The following UBASH3B variants were observed in gnomAD, a reference collection of about 807,000 sequenced individuals.
UBASH3B encodes the protein ubiquitin-associated and SH3 domain-containing protein B.
A neutral mutation model predicts 83.4 loss-of-function variants in UBASH3B; 37 were observed. That is an observed-to-expected ratio of 0.44 (90% CI 0.34 to 0.58). UBASH3B has a LOEUF of 0.58. Ranked by LOEUF, UBASH3B falls within the 20% of genes least tolerant of loss-of-function variation. The pLI is 0.01. For synonymous variants in UBASH3B, 304 were observed against 318.3 expected, an observed-to-expected ratio of 0.96 and a Z score of 0.48; for missense variants, 657 against 827.2, an observed-to-expected ratio of 0.79 and a Z score of 2.52.
At chr11:122,808,305 C>T (rs1205563209) in intron 13 of UBASH3B, 129 bp downstream of exon 13, 2 of 802,696 alleles carry the variant, frequency 2.5e-6, no homozygotes, top group East Asian at 2.5e-5. Context: ...TATTGCTTCA[C>T]TCAACCAAGA....
chr11:122,681,694 GCA>G (rs35104730), intron 1 of UBASH3B, among the ~76,000 whole-genome samples: 52,992 of 149,808 alleles, frequency 0.35, 9,432 homozygotes, highest in Non-Finnish European at 0.39. Context: ...GTACACACAT[GCA>G]CACACACACA....
intron 1 of UBASH3B, among the ~76,000 whole-genome samples, chr11:122,659,475 G>A (rs1300689479): frequency 6.6e-6 from 1 of 152,190 alleles, no homozygotes; most frequent in African/African-American, 2.4e-5. Flanking sequence ...CTTCAACCCA[G>A]AAAGGCTGAT....
chr11:122,798,977 C>T lies in UBASH3B; in HGVS notation c.1393C>T (p.His465Tyr), dbSNP rs753621454. The T allele has an allele frequency of 6.2e-7, 1 of 1,614,072 alleles. No homozygotes were observed. Residue 465 changes from histidine to tyrosine, a missense_variant, in exon 10 of 14, where the codon CAT (histidine) becomes TAT (tyrosine). Coordinates refer to ENST00000284273, the MANE Select transcript of UBASH3B (RefSeq NM_032873.5). Reference sequence around the variant, plus strand: ...ATTAGAGAGCAATACCATTATCGATCATGTCTATTGCTCCCCGTCCCTTCG... The same window carrying T: ...ATTAGAGAGCAATACCATTATCGATTATGTCTATTGCTCCCCGTCCCTTCG... ...ALLESNTIID[H>Y]VYCSPSLRCV...
At chr11:122,713,012 A>G (rs1864220061) in intron 1 of UBASH3B, among the ~76,000 whole-genome samples, 1 of 140,102 alleles carries the variant, frequency 7.1e-6, no homozygotes, top group Admixed American at 7.9e-5. Context: ...GGTTCACGCC[A>G]TTCTCCTGCC....
At chr11:122,688,469 G>A (rs1424514785) in intron 1 of UBASH3B, among the ~76,000 whole-genome samples, 2 of 133,996 alleles carry the variant, frequency 1.5e-5, no homozygotes, top group African/African-American at 5.6e-5. Flanking sequence ...TTTTTGAGAC[G>A]GAGTCTGGCT....
intron 1 of UBASH3B, among the ~76,000 whole-genome samples, chr11:122,701,563 A>C (rs966296486): frequency 6.6e-6 from 1 of 152,066 alleles, no homozygotes; most frequent in Non-Finnish European, 1.5e-5. Flanking sequence ...TCAAAGCTCC[A>C]TGGTGACGCA....
At chr11:122,791,841 T>C (rs1048553223) in intron 6 of UBASH3B, among the ~76,000 whole-genome samples, 2 of 152,228 alleles carry the variant, frequency 1.3e-5, no homozygotes, top group South Asian at 4.1e-4. Context: ...AGGAAATATG[T>C]TCTCTCCACA....
intron 1 of UBASH3B, among the ~76,000 whole-genome samples, chr11:122,703,632 A>T (rs1425569227): frequency 6.6e-6 from 1 of 152,202 alleles, no homozygotes; most frequent in Non-Finnish European, 1.5e-5. Flanking sequence ...CATTGTGAAT[A>T]AGTGGGATTG....
At chr11:122,693,735 T>C (rs1397905294) in intron 1 of UBASH3B, among the ~76,000 whole-genome samples, 1 of 152,058 alleles carries the variant, frequency 6.6e-6, no homozygotes, top group Admixed American at 6.6e-5. Flanking sequence ...TAGCCAGGCG[T>C]GGTGGCACAT....
chr11:122,778,017 A>G (rs1375997718), intron 3 of UBASH3B, among the ~76,000 whole-genome samples: 1 of 152,118 alleles, frequency 6.6e-6, no homozygotes, highest in Non-Finnish European at 1.5e-5. Flanking sequence ...GGCATGAGCC[A>G]CCATGCCTGG....
At chr11:122,769,126 A>C (rs114983594) in intron 1 of UBASH3B, among the ~76,000 whole-genome samples, 2,868 of 152,326 alleles carry the variant, frequency 0.019, 65 homozygotes, top group Admixed American at 0.048. Flanking sequence ...TATGGGAGGC[A>C]TGACTCCAGC....
chr11:122,763,482 C>T lies in UBASH3B; in HGVS notation c.162-12737C>T, dbSNP rs141945772. ...GTTGATAGGAGAGAAAGGCCTCCCC[C>T]ACAGGTTGGAGGCCTTCAGCTGAAG... On this transcript the variant is annotated intron_variant, in intron 1 of 13. Transcript: ENST00000284273. Among the ~76,000 whole-genome samples the T allele has an allele frequency of 5.3e-3, 801 of 152,314 alleles. 6 individuals carry two copies. Among genetic ancestry groups the T allele is most frequent in the Middle Eastern group, 0.027 (8 of 294 alleles).
intron 1 of UBASH3B, among the ~76,000 whole-genome samples, chr11:122,659,798 A>C (rs548872372): frequency 6.6e-6 from 1 of 152,150 alleles, no homozygotes; most frequent in Non-Finnish European, 1.5e-5. Flanking sequence ...TGACAGCTCT[A>C]GGCCCTTTTG....
In UBASH3B at chr11:122,759,259, C is replaced by T. The variant is rs1462877121; in HGVS notation, c.162-16960C>T. On this transcript the variant is annotated intron_variant, in intron 1 of 13. Coordinates refer to ENST00000284273, the MANE Select transcript of UBASH3B (RefSeq NM_032873.5). The surrounding 1 kb of genome is among the most constrained non-coding windows in gnomAD (Gnocchi z 4.1). ...CGAGGCTGCCTGCAGTTCCTTGCCA[C>T]GTGGCTGTCTTTTCATAGGCAGTCC... is the stretch of plus-strand genomic sequence containing the variant. Among the ~76,000 whole-genome samples the T allele has an allele frequency of 3.3e-5, 5 of 152,316 alleles. No individual in the cohort carries two copies. The highest frequency in any genetic ancestry group is 3.9e-4 in the East Asian group (2 of 5,194).
intron 1 of UBASH3B, among the ~76,000 whole-genome samples, chr11:122,728,755 T>G (rs1860787828): frequency 6.6e-6 from 1 of 152,230 alleles, no homozygotes; most frequent in South Asian, 2.1e-4. Context: ...GCCCCTCCCC[T>G]TAAACAGTTT....
At chr11:122,782,113 C>T (rs1860865884) in intron 4 of UBASH3B, among the ~76,000 whole-genome samples, 1 of 152,040 alleles carries the variant, frequency 6.6e-6, no homozygotes, top group Non-Finnish European at 1.5e-5. Context: ...TGGTGGTTCA[C>T]ACCTGTAGTC....
Position 122,806,580 on chromosome 11 carries a change from G to T in UBASH3B, c.1702+64G>T. 1.4e-6 allele frequency: 2 copies of T among 1,441,736 alleles called. No homozygotes were observed. Among genetic ancestry groups the T allele is most frequent in the Non-Finnish European group, 9.1e-7 (1 of 1,099,006 alleles). The allele number at this position is 1,441,736 out of a possible 1,614,324, so 89.3% of individuals were successfully genotyped here. On this transcript the variant is annotated intron_variant, in intron 12 of 13. Transcript: ENST00000284273. The surrounding 1 kb of genome is among the most constrained non-coding windows in gnomAD (Gnocchi z 4.0). The stretch of plus-strand genomic sequence containing the variant: ...GATTATTTCTCTATAATGGTTAATA[G>T]GTTATTCAAGATGTTTCAACTTGCT...
In UBASH3B at chr11:122,782,753, G is replaced by T. The variant is rs916461788; in HGVS notation, c.602-300G>T. ...TGCCCTCTTCTGAAAGGTGGGGCTG[G>T]TGACCACCAACTGGAATGTTGTGAG... On this transcript the variant is annotated intron_variant, in intron 4 of 13. Transcript: ENST00000284273. 30 of 285,548 alleles carry T rather than the reference G, an allele frequency of 1.1e-4. No homozygotes were observed. In the Admixed American group the frequency reaches 1.3e-3, roughly 12 times the overall value. 17.7% of individuals were successfully genotyped at this position (285,548 alleles called of 1,614,324 possible).
chr11:122,659,757 G>A (rs536896626), intron 1 of UBASH3B, among the ~76,000 whole-genome samples: 23 of 152,328 alleles, frequency 1.5e-4, no homozygotes, highest in Admixed American at 2.6e-4. Flanking sequence ...CTCAAACCTG[G>A]CCCTTTTGAC....
Sources: allele counts gnomAD v4.1 joint callset (sites outside exome capture counted in the v4.1 genomes callset), GRCh38; gene constraint gnomAD v4.1.1; non-coding constraint Gnocchi (gnomAD v3.1); transcripts MANE v1.5; gene names NCBI Gene and HGNC (gene_info 2026-07-23, HGNC 2026-07-21).